PAIP1: variants seen among roughly 807,000 people sequenced by gnomAD.
PAIP1 encodes the protein polyadenylate-binding protein-interacting protein 1.
PAIP1 carries 16 observed loss-of-function variants against 61.3 expected under a neutral mutation model. The ratio of observed to expected loss-of-function variants is 0.26; its 90% CI spans 0.18 to 0.40. The LOEUF is 0.40. Ranked by LOEUF, PAIP1 falls within the 10% of genes least tolerant of loss-of-function variation. The pLI is 1.00. For missense variants in PAIP1, 416 were observed against 600.9 expected (o/e 0.69, Z 3.22); for synonymous variants, 187 against 226.2 (o/e 0.83, Z 1.56).
At chr5:43,547,000 G>A (rs527804594) in intron 3 of PAIP1, among the ~76,000 whole-genome samples, 72 of 114,484 alleles carry the variant, frequency 6.3e-4, no homozygotes, top group African/African-American at 2.2e-3. Context: ...CTGAGACTGC[G>A]CCACTGCACT....
chr5:43,531,720 G>A (rs1040547903), intron 9 of PAIP1, among the ~76,000 whole-genome samples: 1 of 145,232 alleles, frequency 6.9e-6, no homozygotes, highest in Non-Finnish European at 1.5e-5. Flanking sequence ...AAATGATAAA[G>A]CAAGTAACTG....
At chr5:43,557,195 G>C, upstream of PAIP1, 1 of 199,370 alleles carries the variant, frequency 5.0e-6, no homozygotes, top group East Asian at 1.2e-4. Context: ...CCAGTTCGCG[G>C]CTGGCCGGCC....
intron 6 of PAIP1, among the ~76,000 whole-genome samples, chr5:43,536,023 TAA>T (rs1309465377): frequency 6.8e-6 from 1 of 146,928 alleles, no homozygotes; most frequent in Non-Finnish European, 1.5e-5. Flanking sequence ...CATCAGGAAA[TAA>T]ATCAGTTAAG....
chr5:43,536,814 C>A lies in PAIP1; in HGVS notation c.972+5G>T, dbSNP rs1747175711. 6 of 1,410,282 alleles carry A rather than the reference C, an allele frequency of 4.3e-6. No homozygotes were observed. Among genetic ancestry groups the A allele is most frequent in the Non-Finnish European group, 3.9e-6 (4 of 1,026,030 alleles). 87.4% of individuals were successfully genotyped at this position (1,410,282 alleles called of 1,614,324 possible). ...AAATTAGTTAAATTAAAAAAAAAAA[C>A]CTACCTTTAACAATTTTACTGCACA... is the stretch of plus-strand genomic sequence containing the variant. On this transcript the variant is annotated splice_donor_5th_base_variant and intron_variant, in intron 6 of 10. Coordinates refer to ENST00000306846, the MANE Select transcript of PAIP1 (RefSeq NM_006451.5).
intron 4 of PAIP1, among the ~76,000 whole-genome samples, chr5:43,542,266 C>A (rs951549546): frequency 4.6e-5 from 7 of 151,130 alleles, no homozygotes; most frequent in African/African-American, 4.9e-5. Flanking sequence ...TGCAGGGTGG[C>A]TCATGCCTGT....
chr5:43,551,097 C>T (rs1747851154), intron 2 of PAIP1, among the ~76,000 whole-genome samples: 1 of 151,794 alleles, frequency 6.6e-6, no homozygotes, highest in Admixed American at 6.6e-5. Flanking sequence ...GCTTTGGGGG[C>T]CAAATTAAGG....
At chr5:43,535,707 C>T in intron 6 of PAIP1, 67 bp from the exon 7 acceptor site, 1 of 827,606 alleles carries the variant, frequency 1.2e-6, no homozygotes, top group South Asian at 1.5e-5. Flanking sequence ...AAAAAGATAC[C>T]AGTAACAGTT....
Position 43,557,043 on chromosome 5 carries a change from G to A in PAIP1, c.-197C>T, listed in dbSNP as rs1012118563. The A allele has an allele frequency of 1.0e-6, 1 of 982,984 alleles. No individual in the cohort carries two copies. The highest frequency in any genetic ancestry group is 1.3e-6 in the Non-Finnish European group (1 of 757,652). 60.9% of individuals were successfully genotyped at this position (982,984 alleles called of 1,614,324 possible). On this transcript the variant is annotated 5_prime_UTR_variant, in exon 1 of 11. Transcript: ENST00000306846. ...GGCAGCCCGAGCACCCGCCGCTCCA[G>A]AGCGCCCGCCCCGCTCGGCTACCCT...
At chr5:43,528,906 G>C (rs566650261) in intron 10 of PAIP1, among the ~76,000 whole-genome samples, 1 of 152,242 alleles carries the variant, frequency 6.6e-6, no homozygotes, top group South Asian at 2.1e-4. Context: ...CACTCTGATG[G>C]TAAGTGAGTA....
intron 2 of PAIP1, among the ~76,000 whole-genome samples, chr5:43,552,080 T>A (rs1747887200): frequency 6.6e-6 from 1 of 152,224 alleles, no homozygotes; most frequent in Non-Finnish European, 1.5e-5. Flanking sequence ...ATAGAAAATG[T>A]ACTTTTTCAT....
chr5:43,543,322 A>AAG (rs1554040507), intron 3 of PAIP1, among the ~76,000 whole-genome samples: 4 of 151,664 alleles, frequency 2.6e-5, no homozygotes, highest in Admixed American at 6.6e-5. Flanking sequence ...AAAAAAAAAA[A>AAG]AAAAAGAAAA....
At chr5:43,548,735 C>T (rs757969466) in intron 2 of PAIP1, among the ~76,000 whole-genome samples, 17 of 152,168 alleles carry the variant, frequency 1.1e-4, no homozygotes, top group Non-Finnish European at 2.4e-4. Context: ...GTTTACCAAA[C>T]AGTTAAAATC....
intron 2 of PAIP1, among the ~76,000 whole-genome samples, chr5:43,554,837 A>C (rs7717328): frequency 0.99 from 150,084 of 152,252 alleles, 74,020 homozygotes; most frequent in Middle Eastern, 1. Flanking sequence ...ATATACCAAA[A>C]AGAAATAAAG....
At chr5:43,535,674 C>T (rs764034984) in intron 6 of PAIP1, 34 bp from the exon 7 acceptor site, 2 of 1,127,504 alleles carry the variant, frequency 1.8e-6, no homozygotes, top group Non-Finnish European at 2.7e-6. Flanking sequence ...ATAAGAAATT[C>T]AATAGTGTAT....
chr5:43,538,398 T>C (rs1010519210), intron 5 of PAIP1, among the ~76,000 whole-genome samples: 2 of 152,230 alleles, frequency 1.3e-5, no homozygotes, highest in African/African-American at 4.8e-5. Flanking sequence ...TAGCTTGATT[T>C]AGCCATTCTA....
At chr5:43,547,589 G>A in intron 3 of PAIP1, 139 bp downstream of exon 3, 1 of 610,582 alleles carries the variant, frequency 1.6e-6, no homozygotes, top group Admixed American at 3.0e-5. Context: ...ATACAAGACA[G>A]ACTTAGAACT....
intron 4 of PAIP1, among the ~76,000 whole-genome samples, chr5:43,539,916 G>A (rs1747328291): frequency 6.6e-6 from 1 of 152,190 alleles, no homozygotes; most frequent in South Asian, 2.1e-4. Context: ...GATAAGGTGA[G>A]AAAACTCTGG....
chr5:43,539,175 G>C (rs1747288154), intron 4 of PAIP1, 140 bp from the exon 5 acceptor site: 2 of 594,596 alleles, frequency 3.4e-6, no homozygotes, highest in Non-Finnish European at 6.0e-6. Flanking sequence ...TAAAGAAACT[G>C]TTCCTGACTA....
At chr5:43,548,636 G>T (rs1350994048) in intron 2 of PAIP1, among the ~76,000 whole-genome samples, 1 of 152,152 alleles carries the variant, frequency 6.6e-6, no homozygotes, top group African/African-American at 2.4e-5. Flanking sequence ...ATGGCAGAAG[G>T]CTGAGTGGGC....
Sources: allele counts gnomAD v4.1 joint callset (sites outside exome capture counted in the v4.1 genomes callset), GRCh38; gene constraint gnomAD v4.1.1; transcripts MANE v1.5; gene names NCBI Gene and HGNC (gene_info 2026-07-23, HGNC 2026-07-21).